Variants in ERC2 observed in about 807,000 individuals in gnomAD.
ERC2 encodes ERC protein 2.
ERC2 carries 42 observed loss-of-function variants against 114.8 expected under a neutral mutation model. That is an observed-to-expected ratio of 0.37 (90% CI 0.29 to 0.47). ERC2 has a LOEUF of 0.47. Among genes scored for constraint, ERC2 ranks in the 20% least tolerant of loss-of-function variants. The pLI is 0.99. For synonymous variants in ERC2, 454 were observed against 425.5 expected, an observed-to-expected ratio of 1.07 and a Z score of -0.82; for missense variants, 939 against 1,150.7, an observed-to-expected ratio of 0.82 and a Z score of 2.66.
At chr3:56,041,426 A>G (rs1314955683) in intron 7 of ERC2, among the ~76,000 whole-genome samples, 1 of 152,074 alleles carries the variant, frequency 6.6e-6, no homozygotes, top group Non-Finnish European at 1.5e-5. Flanking sequence ...TCCTGCGCTC[A>G]CCACTTCTGG....
intron 3 of ERC2, among the ~76,000 whole-genome samples, chr3:56,234,488 G>C (rs1275972234): frequency 6.6e-6 from 1 of 152,190 alleles, no homozygotes; most frequent in East Asian, 1.9e-4. Context: ...TATTACTAAA[G>C]GCAAAGGTCT....
At chr3:56,109,218 C>G (rs1053542047) in intron 6 of ERC2, among the ~76,000 whole-genome samples, 2 of 152,036 alleles carry the variant, frequency 1.3e-5, no homozygotes, top group Non-Finnish European at 2.9e-5. Context: ...TCTGCGGTTC[C>G]CCTCTTTGTG....
intron 3 of ERC2, among the ~76,000 whole-genome samples, chr3:56,241,646 T>C (rs1236229103): frequency 6.6e-6 from 1 of 152,182 alleles, no homozygotes; most frequent in Non-Finnish European, 1.5e-5. Flanking sequence ...GAGCTATACA[T>C]ATGATCATAG....
chr3:56,404,444 T>C (rs2060633519), intron 2 of ERC2, among the ~76,000 whole-genome samples: 1 of 152,016 alleles, frequency 6.6e-6, no homozygotes, highest in Non-Finnish European at 1.5e-5. Context: ...GCAACTTGGG[T>C]AAATCGAAGA....
chr3:56,316,525 C>A (rs2056871203), intron 2 of ERC2, among the ~76,000 whole-genome samples: 1 of 152,114 alleles, frequency 6.6e-6, no homozygotes, highest in African/African-American at 2.4e-5. Context: ...CCTGTTTAAT[C>A]TCTGGAAAGT....
At chr3:55,731,206 A>G (rs1449043022) in intron 15 of ERC2, among the ~76,000 whole-genome samples, 1 of 152,208 alleles carries the variant, frequency 6.6e-6, no homozygotes, top group Non-Finnish European at 1.5e-5. Context: ...GAGGAGGACC[A>G]GGAAGCTTAG....
intron 17 of ERC2, among the ~76,000 whole-genome samples, chr3:55,520,162 C>G (rs1020207114): frequency 6.6e-6 from 1 of 151,892 alleles, no homozygotes; most frequent in Non-Finnish European, 1.5e-5. Context: ...GCTCAAGAAA[C>G]AAAAAGGCAG....
intron 13 of ERC2, among the ~76,000 whole-genome samples, chr3:55,936,176 CTT>C (rs1212403283): frequency 6.6e-6 from 1 of 152,180 alleles, no homozygotes; most frequent in East Asian, 1.9e-4. Flanking sequence ...CGTTGGCACT[CTT>C]CTCTTCCCTC....
At chr3:56,336,267 A>C (rs2150475454) in intron 2 of ERC2, among the ~76,000 whole-genome samples, 1 of 152,278 alleles carries the variant, frequency 6.6e-6, no homozygotes, top group Non-Finnish European at 1.5e-5. Flanking sequence ...ATTTCTATGC[A>C]CGGGATTATT....
chr3:56,166,430 C>A (rs553148522), intron 4 of ERC2, among the ~76,000 whole-genome samples: 2 of 152,086 alleles, frequency 1.3e-5, no homozygotes, highest in South Asian at 4.2e-4. Flanking sequence ...AGAAGAGTTT[C>A]TGTATGATTG....
At chr3:55,718,860 C>T (rs555714299) in intron 15 of ERC2, among the ~76,000 whole-genome samples, 3 of 152,278 alleles carry the variant, frequency 2.0e-5, no homozygotes, top group East Asian at 3.9e-4. Context: ...TTTCAAAAAT[C>T]AAATATTCTG....
intron 17 of ERC2, among the ~76,000 whole-genome samples, chr3:55,514,122 C>T (rs943948796): frequency 7.2e-5 from 11 of 152,262 alleles, no homozygotes; most frequent in Non-Finnish European, 1.5e-4. Context: ...ATCAACTAAG[C>T]GAGGTGGCAC....
chr3:56,365,321 C>T (rs1224119739), intron 2 of ERC2, among the ~76,000 whole-genome samples: 1 of 152,202 alleles, frequency 6.6e-6, no homozygotes, highest in Admixed American at 6.5e-5. Flanking sequence ...GTTACAATTG[C>T]CTACAGTATT....
intron 6 of ERC2, among the ~76,000 whole-genome samples, chr3:56,137,805 T>C (rs570298204): frequency 8.5e-5 from 13 of 152,350 alleles, no homozygotes; most frequent in African/African-American, 2.2e-4. Context: ...TAGTACTTGA[T>C]ATGTGGCTAA....
intron 2 of ERC2, among the ~76,000 whole-genome samples, chr3:56,355,587 C>T (rs2058719040): frequency 6.6e-6 from 1 of 152,170 alleles, no homozygotes; most frequent in African/African-American, 2.4e-5. Flanking sequence ...GCTGGGATTA[C>T]AGCGTGCGCC....
chr3:56,152,075 C>T (rs181625547), intron 4 of ERC2, among the ~76,000 whole-genome samples: 29 of 152,030 alleles, frequency 1.9e-4, no homozygotes, highest in Non-Finnish European at 2.8e-4. Context: ...TCCTTAGAGA[C>T]GGGGAAAGTG....
At chr3:55,931,201 T>C (rs2066060593) in intron 13 of ERC2, among the ~76,000 whole-genome samples, 1 of 152,216 alleles carries the variant, frequency 6.6e-6, no homozygotes, top group Non-Finnish European at 1.5e-5. Flanking sequence ...TGGCAATTCC[T>C]CAAGGATCTA....
intron 17 of ERC2, among the ~76,000 whole-genome samples, chr3:55,532,029 C>T (rs2053698233): frequency 6.6e-6 from 1 of 152,192 alleles, no homozygotes; most frequent in Admixed American, 6.5e-5. Context: ...TGCTTTATAC[C>T]AAGACTACGC....
intron 17 of ERC2, among the ~76,000 whole-genome samples, chr3:55,653,065 G>A (rs1392231144): frequency 1.3e-5 from 2 of 152,092 alleles, no homozygotes; most frequent in Non-Finnish European, 2.9e-5. Context: ...TGGGCTGCCA[G>A]TCAAGGGACA....
Sources: allele counts gnomAD v4.1 joint callset (sites outside exome capture counted in the v4.1 genomes callset), GRCh38; gene constraint gnomAD v4.1.1; transcripts MANE v1.5; gene names NCBI Gene and HGNC (gene_info 2026-07-23, HGNC 2026-07-21).